ZNF433: variants seen among roughly 807,000 people sequenced by gnomAD.
ZNF433 encodes the protein zinc finger protein 433.
ZNF433 carries 12 observed loss-of-function variants against 10.6 expected under a neutral mutation model. The ratio of observed to expected loss-of-function variants is 1.13; its 90% CI spans 0.72 to 1.83. The LOEUF (loss-of-function observed/expected upper bound fraction) is 1.83. Among genes scored for constraint, ZNF433 ranks in the 40% most tolerant of loss-of-function variants. The pLI, the probability that ZNF433 is intolerant of heterozygous loss-of-function variation, is 0.00. For synonymous variants in ZNF433, 272 were observed against 271.3 expected (o/e 1.00, Z -0.02); for missense variants, 737 against 798.0 (o/e 0.92, Z 0.92).
intron 3 of ZNF433, 108 bp downstream of exon 3, chr19:12,017,768 G>A (rs1974280791): frequency 5.2e-6 from 4 of 769,708 alleles, no homozygotes; most frequent in South Asian, 1.7e-5. Context: ...AGAATAAATA[G>A]ATTGAAATTG....
chr19:12,033,690 C>A (rs1216001890), intron 1 of ZNF433, among the ~76,000 whole-genome samples: 1 of 148,264 alleles, frequency 6.7e-6, no homozygotes, highest in South Asian at 2.2e-4. Flanking sequence ...GGCGTGGTGA[C>A]GGGCTCCTGT....
rs182834346 is a variant in ZNF433 at position 12,028,254 on chromosome 19, T to C, written c.3+7283A>G. 6.9e-4 allele frequency among the ~76,000 whole-genome samples: 105 copies of C among 152,284 alleles called. No homozygotes were observed. The Middle Eastern group carries it at 0.017, about 25-fold the overall frequency. ...CATGTAGATTATCTGCTCAATGTTATGGTCAAATGACTACTGCTATAAAAA... is the reference window on the plus strand; with the variant it reads ...CATGTAGATTATCTGCTCAATGTTACGGTCAAATGACTACTGCTATAAAAA... On this transcript the variant is annotated intron_variant, in intron 1 of 3. Coordinates refer to ENST00000550507, the MANE Select transcript of ZNF433 (RefSeq NM_001308348.2).
chr19:12,018,295 G>A lies in ZNF433; in HGVS notation c.4-3C>T, dbSNP rs1234069637. 2.5e-6 allele frequency: 4 copies of A among 1,613,154 alleles called. No individual in the cohort carries two copies. Among genetic ancestry groups the A allele is most frequent in the Non-Finnish European group, 3.4e-6 (4 of 1,179,728 alleles). ...ACATCCTCAAAGGCCACTGAATCCT[G>A]AAACATCTCACATGTATAGAGGAGG... On this transcript the variant is annotated splice_region_variant and splice_polypyrimidine_tract_variant and intron_variant, in intron 1 of 3. Coordinates refer to ENST00000550507, the MANE Select transcript of ZNF433 (RefSeq NM_001308348.2).
Position 12,017,995 on chromosome 19 carries a change from A to G in ZNF433, c.131-59T>C, listed in dbSNP as rs529297883. On this transcript the variant is annotated intron_variant, in intron 2 of 3. Transcript: ENST00000550507. ...TAGTATAAAATTATTAAAAAATTACATGATTCTATGTTCATGGTACACTGC... is the reference window on the plus strand; with the variant it reads ...TAGTATAAAATTATTAAAAAATTACGTGATTCTATGTTCATGGTACACTGC... The G allele has an allele frequency of 2.2e-5, 30 of 1,364,512 alleles. No homozygotes were observed. The East Asian group carries it at 6.4e-4, about 29-fold the overall frequency. The allele number at this position is 1,364,512 out of a possible 1,614,324, so 84.5% of individuals were successfully genotyped here.
chr19:12,016,459 T>C lies in ZNF433; in HGVS notation c.399A>G (p.Glu133=). The change falls in exon 4 of 4, where the codon GAA becomes GAG. Residue 133 remains glutamate (E), a synonymous_variant. Coordinates refer to ENST00000550507, the MANE Select transcript of ZNF433 (RefSeq NM_001308348.2). ...TACATTTATATGGTTTCTGTCCATA[T>C]TCTTGATACTCATATGCCTTGTGTC... The part of the protein sequence containing the change: ...DTGHKAYEYQ[E]YGQKPYKCKY... The C allele has an allele frequency of 6.2e-7, 1 of 1,614,170 alleles. No homozygotes were observed.
At position 12,022,625 on chromosome 19, in the gene ZNF433, TAAG is replaced by T. The variant is rs1380478794; in HGVS notation, c.4-4336_4-4334del. ...GAGTACTCTAAAGCAATGCCCGTGG[TAAG>T]AAGGGGAGCTTGGAAGCATCAGGGT... On this transcript the variant is annotated intron_variant, in intron 1 of 3. Coordinates refer to ENST00000550507, the MANE Select transcript of ZNF433 (RefSeq NM_001308348.2). Among the ~76,000 whole-genome samples, 4 of 152,120 alleles carry T rather than the reference TAAG, an allele frequency of 2.6e-5. No individual in the cohort carries two copies. The South Asian group carries it at 6.2e-4, about 24-fold the overall frequency.
At chr19:12,022,697 C>A (rs1974555098) in intron 1 of ZNF433, among the ~76,000 whole-genome samples, 1 of 152,276 alleles carries the variant, frequency 6.6e-6, no homozygotes, top group Middle Eastern at 3.4e-3. Context: ...CATCTTGTAA[C>A]CTTTTCACAC....
At position 12,016,386 on chromosome 19, in the gene ZNF433, C is replaced by T. The variant is rs775998676; in HGVS notation, c.472G>A (p.Glu158Lys). The T allele has an allele frequency of 1.2e-6, 2 of 1,614,052 alleles. No homozygotes were observed. The highest frequency in any genetic ancestry group is 1.7e-6 in the Non-Finnish European group (2 of 1,180,026). ...FNCLSSVQTH[E>K]RAHSGRKLYV... ...AGTTTCCTTCCACTATGAGCCCTTT[C>T]ATGTGTCTGAACAGAGGAGAGACAG... Residue 158 changes from glutamate (E) to lysine (K), a missense_variant, in exon 4 of 4, where the codon GAA (glutamate) becomes AAA (lysine). Transcript: ENST00000550507.
At position 12,016,291 on chromosome 19, in the gene ZNF433, G is replaced by C; in HGVS notation, c.567C>G (p.His189Gln). ...TACACTTATAAGGTCCATCTCCACGGTGCATTATCCTGTGTCTTTGAAGGT... is the reference window on the plus strand; with the variant it reads ...TACACTTATAAGGTCCATCTCCACGCTGCATTATCCTGTGTCTTTGAAGGT... ...HSNLQRHRIMHRGDGPYKCKF... is the reference protein window; with the variant it reads ...HSNLQRHRIMQRGDGPYKCKF... Residue 189 changes from histidine (H) to glutamine (Q), a missense_variant, in exon 4 of 4, where the codon CAC becomes CAG. His to Gln is a conservative substitution (Grantham distance 24). Coordinates refer to ENST00000550507, the MANE Select transcript of ZNF433 (RefSeq NM_001308348.2). 1 of 1,614,184 alleles carries C rather than the reference G, an allele frequency of 6.2e-7. No individual in the cohort carries two copies. Among genetic ancestry groups the C allele is most frequent in the East Asian group, 2.2e-5 (1 of 44,868 alleles).
chr19:12,026,852 C>A (rs1360210924), intron 1 of ZNF433: 1 of 453,956 alleles, frequency 2.2e-6, no homozygotes, highest in South Asian at 1.6e-5. Flanking sequence ...CTGGTCTGAA[C>A]AAAATGGTCA....
intron 1 of ZNF433, chr19:12,035,015 T>A (rs1975214324): frequency 5.5e-6 from 2 of 364,088 alleles, no homozygotes; most frequent in African/African-American, 2.1e-5. Context: ...CTTGGCATTT[T>A]CCGTTAACAA....
chr19:12,018,307 A>G lies in ZNF433; in HGVS notation c.4-15T>C, dbSNP rs772947851. 2 of 1,611,922 alleles carry G rather than the reference A, an allele frequency of 1.2e-6. No individual in the cohort carries two copies. Among genetic ancestry groups the G allele is most frequent in the African/African-American group, 2.7e-5 (2 of 74,868 alleles). On this transcript the variant is annotated splice_polypyrimidine_tract_variant and intron_variant, in intron 1 of 3. Coordinates refer to ENST00000550507, the MANE Select transcript of ZNF433 (RefSeq NM_001308348.2). ...GCCACTGAATCCTGAAACATCTCAC[A>G]TGTATAGAGGAGGATGGATAAGACT...
chr19:12,031,216 A>C (rs1006810804), intron 1 of ZNF433, among the ~76,000 whole-genome samples: 4 of 150,504 alleles, frequency 2.7e-5, no homozygotes, highest in Admixed American at 2.6e-4. Flanking sequence ...GATTTGCTTG[A>C]ACCCAGGAGG....
chr19:12,029,593 T>TA (rs1453690110), intron 1 of ZNF433, among the ~76,000 whole-genome samples: 3 of 126,572 alleles, frequency 2.4e-5, no homozygotes, highest in African/African-American at 8.7e-5. Context: ...GTTAATGACA[T>TA]AAATGTTTGC....
chr19:12,024,504 A>G (rs1478049671), intron 1 of ZNF433: 2 of 152,240 alleles, frequency 1.3e-5, no homozygotes, highest in Non-Finnish European at 1.5e-5. Flanking sequence ...GTACTAAGGG[A>G]TATCAACTGG....
In ZNF433 at chr19:12,015,916, T is replaced by A. The variant is rs1385523553; in HGVS notation, c.942A>T (p.Lys314Asn). The A allele has an allele frequency of 1.9e-6, 3 of 1,613,882 alleles. No homozygotes were observed. The highest frequency in any genetic ancestry group is 1.7e-5 in the Admixed American group (1 of 59,988). The change falls in exon 4 of 4, where the codon AAA (lysine) becomes AAT (asparagine). Residue 314 changes from lysine to asparagine, a missense_variant. Physicochemically the swap from Lys to Asn is moderately conservative, Grantham distance 94. Transcript: ENST00000550507. ...EKPYECKECG[K>N]AFKCPSSVRR... ...GAACAGAACTGGGACACTTGAATGC[T>A]TTTCCACATTCCTTACATTCATATG...
chr19:12,016,691 T>A, intron 3 of ZNF433, 25 bp from the exon 4 acceptor site: 2 of 1,599,728 alleles, frequency 1.3e-6, no homozygotes, highest in Non-Finnish European at 1.7e-6. Context: ...AAGTACATTA[T>A]AATGGGTTTG....
chr19:12,017,880 G>C lies in ZNF433; in HGVS notation c.187C>G (p.Leu63Val). ...TGTCATGTGAGTGCAAGTTACCTTAGGTTTCTCCTTAGATTTTCGTACTCT... is the reference window on the plus strand; with the variant it reads ...TGTCATGTGAGTGCAAGTTACCTTACGTTTCTCCTTAGATTTTCGTACTCT... Reference protein sequence around the residue: ...YVEYENLRRNLRIVGERLFES... With the variant: ...YVEYENLRRNVRIVGERLFES... Residue 63 changes from leucine (L) to valine (V), a missense_variant, in exon 3 of 4, where the codon CTA becomes GTA. Transcript: ENST00000550507. The C allele has an allele frequency of 6.3e-7, 1 of 1,584,966 alleles. No individual in the cohort carries two copies. The highest frequency in any genetic ancestry group is 8.6e-7 in the Non-Finnish European group (1 of 1,169,208).
chr19:12,027,149 G>T, intron 1 of ZNF433: 1 of 447,286 alleles, frequency 2.2e-6, no homozygotes, highest in Non-Finnish European at 4.4e-6. Flanking sequence ...TGAAGGAGCT[G>T]CAGATGGATT....
Sources: allele counts gnomAD v4.1 joint callset (sites outside exome capture counted in the v4.1 genomes callset), GRCh38; gene constraint gnomAD v4.1.1; transcripts MANE v1.5; gene names NCBI Gene and HGNC (gene_info 2026-07-23, HGNC 2026-07-21).